Variants in EYS observed in about 807,000 individuals in gnomAD.
EYS encodes the protein protein eyes shut homolog.
EYS carries 250 observed loss-of-function variants against 282.1 expected under a neutral mutation model. The observed-to-expected ratio is 0.89, with a 90% CI of 0.80 to 0.98. EYS has a LOEUF of 0.98. Among genes scored for constraint, EYS ranks in the 50% least tolerant of loss-of-function variants. EYS has a pLI of 0.00. For synonymous variants in EYS, 1,355 were observed against 1,282.9 expected (o/e 1.06, Z -1.20); for missense variants, 4,016 against 3,709.0 (o/e 1.08, Z -2.15).
chr6:63,930,456 G>T (rs1764855372), intron 35 of EYS, among the ~76,000 whole-genome samples: 1 of 152,130 alleles, frequency 6.6e-6, no homozygotes, highest in Non-Finnish European at 1.5e-5. Context: ...GATTAGTAGT[G>T]TGCTATGATT....
At chr6:65,380,809 T>A (rs1765582014) in intron 8 of EYS, among the ~76,000 whole-genome samples, 1 of 151,766 alleles carries the variant, frequency 6.6e-6, no homozygotes, top group Admixed American at 6.6e-5. Context: ...TGGGCAAAGT[T>A]TATCAACAGA....
chr6:65,615,936 AAAAGAAAAAAAAAAG>A (rs1236018428), intron 2 of EYS, among the ~76,000 whole-genome samples: 3 of 42,442 alleles, frequency 7.1e-5, no homozygotes, highest in East Asian at 2.2e-3. Flanking sequence ...TCCATCTCAA[AAAAGAAAAAAAAAAG>A]AAAGAAAAAA....
intron 12 of EYS, among the ~76,000 whole-genome samples, chr6:65,273,516 C>T (rs111606729): frequency 0.013 from 2,045 of 152,268 alleles, 43 homozygotes; most frequent in African/African-American, 0.046. Context: ...TAACACTCTC[C>T]GGAAAGGCAA....
At chr6:65,145,828 A>C (rs1388494093) in intron 12 of EYS, among the ~76,000 whole-genome samples, 1 of 152,032 alleles carries the variant, frequency 6.6e-6, no homozygotes, top group African/African-American at 2.4e-5. Flanking sequence ...ATTTCAGAAG[A>C]ATATTAGTGA....
chr6:65,373,268 C>A (rs569795073), intron 8 of EYS, among the ~76,000 whole-genome samples: 1 of 152,220 alleles, frequency 6.6e-6, no homozygotes, highest in South Asian at 2.1e-4. Context: ...CCAGGTAGGT[C>A]ACAGGCTTTG....
At chr6:64,010,753 C>T (rs893654799) in intron 33 of EYS, among the ~76,000 whole-genome samples, 2 of 152,128 alleles carry the variant, frequency 1.3e-5, no homozygotes, top group African/African-American at 4.8e-5. Flanking sequence ...GATCTTTTGA[C>T]ACTGAAACCG....
intron 26 of EYS, among the ~76,000 whole-genome samples, chr6:64,587,875 G>A (rs760402321): frequency 1.3e-5 from 2 of 151,956 alleles, no homozygotes; most frequent in Non-Finnish European, 2.9e-5. Context: ...AAGCTGACCC[G>A]CATGTATACC....
At chr6:65,443,715 CATATAT>C (rs1485084374) in intron 5 of EYS, among the ~76,000 whole-genome samples, 2 of 54,524 alleles carry the variant, frequency 3.7e-5, no homozygotes, top group African/African-American at 5.2e-5. Flanking sequence ...TGCATATACA[CATATAT>C]ACACATACGT....
chr6:65,531,953 G>C (rs16896775), intron 2 of EYS, among the ~76,000 whole-genome samples: 11,580 of 152,058 alleles, frequency 0.076, 1,315 homozygotes, highest in African/African-American at 0.25. Flanking sequence ...AAGGGAATTT[G>C]TTAACTCTGT....
chr6:64,723,890 T>C (rs1195613259), intron 22 of EYS, among the ~76,000 whole-genome samples: 1 of 152,104 alleles, frequency 6.6e-6, no homozygotes, highest in Non-Finnish European at 1.5e-5. Context: ...CTGTGCCTAG[T>C]GGTCAGCAGT....
intron 33 of EYS, among the ~76,000 whole-genome samples, chr6:64,029,937 TACC>T (rs1267901334): frequency 1.3e-5 from 2 of 152,216 alleles, no homozygotes; most frequent in Non-Finnish European, 2.9e-5. Flanking sequence ...CCCCATTAAA[TACC>T]ACAAGGAAAT....
chr6:65,549,998 T>G (rs2351264), intron 2 of EYS, among the ~76,000 whole-genome samples: 2 of 151,572 alleles, frequency 1.3e-5, no homozygotes, highest in Non-Finnish European at 2.9e-5. Context: ...CCATCCTCCC[T>G]GGACCAGTGG....
intron 12 of EYS, among the ~76,000 whole-genome samples, chr6:65,218,152 A>G (rs1230366172): frequency 6.6e-6 from 1 of 152,086 alleles, no homozygotes; most frequent in Admixed American, 6.5e-5. Context: ...TCCTTTAGTA[A>G]TTAGGTAAAT....
chr6:64,283,844 A>G (rs1219343082), intron 30 of EYS, among the ~76,000 whole-genome samples: 3 of 152,174 alleles, frequency 2.0e-5, no homozygotes, highest in Non-Finnish European at 2.9e-5. Context: ...GAAACCCCTG[A>G]TAAACCCATC....
At chr6:64,944,198 T>C (rs991299045) in intron 15 of EYS, among the ~76,000 whole-genome samples, 13 of 152,182 alleles carry the variant, frequency 8.5e-5, no homozygotes, top group Non-Finnish European at 1.8e-4. Context: ...CCTTACCTTT[T>C]ACTATACACA....
chr6:64,587,372 A>G (rs1344512367), intron 26 of EYS, among the ~76,000 whole-genome samples: 3 of 152,034 alleles, frequency 2.0e-5, no homozygotes, highest in Non-Finnish European at 2.9e-5. Flanking sequence ...CATTTGTTCT[A>G]TATTTTGGCA....
chr6:63,950,580 G>A lies in EYS; in HGVS notation c.7055+33803C>T, dbSNP rs186259668. 8.9e-4 allele frequency among the ~76,000 whole-genome samples: 136 copies of A among 152,158 alleles called. 1 individual carries two copies. In the East Asian group the frequency reaches 0.022, roughly 25 times the overall value. On this transcript the variant is annotated intron_variant, in intron 35 of 42. Transcript: ENST00000503581. ...AGCCTGTTTGGTGGTCTCTTCACATGGACGCGCGTGACATTTGGTGCCCTG... is the reference window on the plus strand; with the variant it reads ...AGCCTGTTTGGTGGTCTCTTCACATAGACGCGCGTGACATTTGGTGCCCTG...
At chr6:64,002,737 T>G (rs1330994019) in intron 33 of EYS, among the ~76,000 whole-genome samples, 2 of 152,182 alleles carry the variant, frequency 1.3e-5, no homozygotes, top group African/African-American at 4.8e-5. Flanking sequence ...AGGGTCCCAC[T>G]ATGTTGCCCA....
At chr6:63,905,617 A>T (rs757625810) in intron 35 of EYS, among the ~76,000 whole-genome samples, 3 of 152,280 alleles carry the variant, frequency 2.0e-5, no homozygotes, top group Non-Finnish European at 2.9e-5. Flanking sequence ...GGCGTAAGCC[A>T]CCGCGCCTGG....
Sources: allele counts gnomAD v4.1 joint callset (sites outside exome capture counted in the v4.1 genomes callset), GRCh38; gene constraint gnomAD v4.1.1; transcripts MANE v1.5; gene names NCBI Gene and HGNC (gene_info 2026-07-23, HGNC 2026-07-21).